SHISA9: variants seen among roughly 807,000 people sequenced by gnomAD.
SHISA9 encodes the protein shisa family member 9, also known as protein shisa-9.
Under a neutral mutation model 38.0 loss-of-function variants are expected in SHISA9, and 13 were observed. The ratio of observed to expected loss-of-function variants is 0.34; its 90% CI spans 0.22 to 0.54. SHISA9 has a LOEUF of 0.54. SHISA9 is among the 20% of genes least tolerant of loss of function. SHISA9 has a pLI of 0.91. For synonymous variants in SHISA9, 275 were observed against 242.0 expected (o/e 1.14, Z -1.27); for missense variants, 538 against 575.8 (o/e 0.93, Z 0.67).
chr16:13,093,654 G>A (rs778391208), intron 2 of SHISA9, among the ~76,000 whole-genome samples: 2 of 152,038 alleles, frequency 1.3e-5, no homozygotes, highest in South Asian at 4.1e-4. Flanking sequence ...GCTGCAGTTC[G>A]GCCCTGGATT....
chr16:13,106,498 T>A (rs2073926579), intron 2 of SHISA9, among the ~76,000 whole-genome samples: 2 of 152,130 alleles, frequency 1.3e-5, no homozygotes, highest in Non-Finnish European at 2.9e-5. Context: ...GCATGTTTGG[T>A]GTTTGATGCA....
the SHISA9 span, among the ~76,000 whole-genome samples, chr16:13,269,335 C>T: frequency 6.6e-6 from 1 of 152,236 alleles, no homozygotes; most frequent in Non-Finnish European, 1.5e-5. Context: ...GCCTTACTTT[C>T]TGCATATGTA....
the SHISA9 span, among the ~76,000 whole-genome samples, chr16:13,453,668 C>T: frequency 6.6e-6 from 1 of 152,216 alleles, no homozygotes; most frequent in African/African-American, 2.4e-5. Context: ...TCCTGATAGT[C>T]CATAGACTAG....
At chr16:13,363,979 T>C in the SHISA9 span, among the ~76,000 whole-genome samples, 1 of 152,190 alleles carries the variant, frequency 6.6e-6, no homozygotes, top group Non-Finnish European at 1.5e-5. Flanking sequence ...GCAATCTGTA[T>C]TTTAACAAAC....
At chr16:13,358,569 T>C in the SHISA9 span, among the ~76,000 whole-genome samples, 1 of 152,228 alleles carries the variant, frequency 6.6e-6, no homozygotes, top group Admixed American at 6.5e-5. Context: ...TCCCATTTCC[T>C]TCCCTTTCCT....
chr16:13,453,873 A>G, the SHISA9 span, among the ~76,000 whole-genome samples: 154 of 152,324 alleles, frequency 1.0e-3, 1 homozygote, highest in African/African-American at 3.6e-3. Context: ...AGAGGGATCC[A>G]CTGTCTTTAG....
Position 12,926,077 on chromosome 16 carries a change from A to G in SHISA9, c.691+9262A>G, listed in dbSNP as rs547031781. 2.0e-5 allele frequency among the ~76,000 whole-genome samples: 3 copies of G among 152,244 alleles called. No homozygotes were observed. The East Asian group carries it at 5.8e-4, about 29-fold the overall frequency. On this transcript the variant is annotated intron_variant, in intron 2 of 4. Coordinates refer to ENST00000558583, the MANE Select transcript of SHISA9 (RefSeq NM_001145204.3). ...ATAAAATAATTGAAATGTGTATTGC[A>G]CTCACATATTGTAGATGAAGAAACT...
At chr16:13,285,922 T>C in the SHISA9 span, among the ~76,000 whole-genome samples, 1 of 152,282 alleles carries the variant, frequency 6.6e-6, no homozygotes, top group Admixed American at 6.5e-5. Context: ...TCTACCATTT[T>C]AGTCATGTGC....
the SHISA9 span, among the ~76,000 whole-genome samples, chr16:13,328,000 C>T: frequency 3.9e-5 from 6 of 152,246 alleles, no homozygotes; most frequent in East Asian, 1.9e-4. Context: ...AATCTTTCAT[C>T]GTACTCATAA....
intron 4 of SHISA9, among the ~76,000 whole-genome samples, chr16:13,225,424 G>C (rs143670487): frequency 1.3e-5 from 2 of 152,342 alleles, no homozygotes; most frequent in East Asian, 1.9e-4. Flanking sequence ...TAAGTAGCTA[G>C]AGTCCACGTC....
chr16:13,260,007 C>CTCTTTTTTTTTTTTT, the SHISA9 span, among the ~76,000 whole-genome samples: 4 of 60,418 alleles, frequency 6.6e-5, no homozygotes, highest in Non-Finnish European at 8.8e-5. Flanking sequence ...TTCTTTCTTT[C>CTCTTTTTTTTTTTTT]TTTTTTTTTT....
At chr16:13,060,407 C>T (rs187303950) in intron 2 of SHISA9, among the ~76,000 whole-genome samples, 5 of 152,238 alleles carry the variant, frequency 3.3e-5, no homozygotes, top group Admixed American at 3.3e-4. Context: ...TTCTTAACCT[C>T]TCTCTAGGAT....
intron 2 of SHISA9, among the ~76,000 whole-genome samples, chr16:13,019,101 T>C (rs1350190621): frequency 6.6e-6 from 1 of 152,124 alleles, no homozygotes; most frequent in Non-Finnish European, 1.5e-5. Context: ...CCCAGTTCAA[T>C]AGATTCTCCT....
chr16:13,156,607 G>A (rs1038323023), intron 2 of SHISA9, among the ~76,000 whole-genome samples: 3 of 151,928 alleles, frequency 2.0e-5, no homozygotes, highest in African/African-American at 7.3e-5. Context: ...GGTGGTGGGC[G>A]CCTGCAGTCC....
At chr16:13,289,526 C>A in the SHISA9 span, among the ~76,000 whole-genome samples, 1 of 150,146 alleles carries the variant, frequency 6.7e-6, no homozygotes, top group East Asian at 2.0e-4. Context: ...AAAAAGCAAA[C>A]AAACAAACAG....
At chr16:13,554,094 T>C in the SHISA9 span, among the ~76,000 whole-genome samples, 3 of 152,120 alleles carry the variant, frequency 2.0e-5, no homozygotes, top group Non-Finnish European at 4.4e-5. Flanking sequence ...ATAACTAGCA[T>C]CTATTCCTTT....
the SHISA9 span, among the ~76,000 whole-genome samples, chr16:13,391,200 G>T: frequency 6.6e-6 from 1 of 152,046 alleles, no homozygotes; most frequent in African/African-American, 2.4e-5. Flanking sequence ...ATGAACCCTT[G>T]GAAAAAAGAT....
chr16:13,528,138 C>T, the SHISA9 span, among the ~76,000 whole-genome samples: 1 of 152,154 alleles, frequency 6.6e-6, no homozygotes, highest in Admixed American at 6.5e-5. Context: ...TGTCTTAAAA[C>T]TAGATCCCCG....
At chr16:13,186,886 A>G (rs978482064) in intron 2 of SHISA9, among the ~76,000 whole-genome samples, 1 of 152,172 alleles carries the variant, frequency 6.6e-6, no homozygotes, top group African/African-American at 2.4e-5. Flanking sequence ...TGTTCATATC[A>G]TGGCATGGGT....
Sources: allele counts gnomAD v4.1 joint callset (sites outside exome capture counted in the v4.1 genomes callset), GRCh38; gene constraint gnomAD v4.1.1; transcripts MANE v1.5; gene names NCBI Gene and HGNC (gene_info 2026-07-23, HGNC 2026-07-21).